The following ITLN1 variants were observed in gnomAD, a reference collection of about 807,000 sequenced individuals.
ITLN1 encodes the protein intelectin 1.
A neutral mutation model predicts 36.2 loss-of-function variants in ITLN1; 29 were observed. The observed-to-expected ratio is 0.80, with a 90% CI of 0.60 to 1.09. The LOEUF (loss-of-function observed/expected upper bound fraction) is 1.09. Ranked by LOEUF, ITLN1 falls within the 50% of genes least tolerant of loss-of-function variation. ITLN1 has a pLI of 0.00. For synonymous variants in ITLN1, 143 were observed against 146.5 expected, an observed-to-expected ratio of 0.98 and a Z score of 0.17; for missense variants, 358 against 405.2, an observed-to-expected ratio of 0.88 and a Z score of 1.00.
intron 3 of ITLN1, 86 bp downstream of exon 3, chr1:160,883,342 A>G: frequency 1.1e-6 from 1 of 890,458 alleles, no homozygotes; most frequent in Middle Eastern, 2.6e-4. Flanking sequence ...CTTTACCATA[A>G]TTTTTTAACT....
At chr1:160,879,480 C>G in intron 6 of ITLN1, 66 bp from the exon 7 acceptor site, 1 of 1,274,188 alleles carries the variant, frequency 7.8e-7, no homozygotes, top group Non-Finnish European at 1.1e-6. Flanking sequence ...TTAGGCCAGC[C>G]CAGAGGCTCT....
chr1:160,881,916 A>G, intron 4 of ITLN1, 41 bp downstream of exon 4: 1 of 1,611,610 alleles, frequency 6.2e-7, no homozygotes, highest in Non-Finnish European at 8.5e-7. Flanking sequence ...GCCACACTCC[A>G]CTCCTCACCC....
In ITLN1 at chr1:160,884,848, G is replaced by T. The variant is rs765290429; in HGVS notation, c.30C>A (p.Leu10=). The change falls in exon 2 of 8, where the codon CTC becomes CTA. Residue 10 remains leucine, a synonymous_variant. Coordinates refer to ENST00000326245, the MANE Select transcript of ITLN1 (RefSeq NM_017625.3). MNQLSFLLF[L]IATTRGWSTD... ...TACTCCATCCTCTGGTGGTCGCTAT[G>T]AGAAACAGCAGGAAGCTGAGTTGGT... 17 of 1,613,092 alleles carry T rather than the reference G, an allele frequency of 1.1e-5. No individual in the cohort carries two copies. In the African/African-American group the frequency reaches 1.9e-4, roughly 18 times the overall value.
intron 1 of ITLN1, 48 bp from the exon 2 acceptor site, chr1:160,884,931 T>G: frequency 1.6e-6 from 2 of 1,282,636 alleles, no homozygotes; most frequent in Non-Finnish European, 2.3e-6. Context: ...CATTTTTCTC[T>G]ACATCCCTGC....
intron 3 of ITLN1, 153 bp from the exon 4 acceptor site, chr1:160,882,357 C>T: frequency 2.4e-6 from 2 of 838,566 alleles, no homozygotes; most frequent in Non-Finnish European, 3.5e-6. Flanking sequence ...CTGGGGCCTC[C>T]CTGAGTTCAG....
intron 7 of ITLN1, among the ~76,000 whole-genome samples, chr1:160,878,955 CTG>C (rs1670636191): frequency 6.6e-6 from 1 of 152,108 alleles, no homozygotes; most frequent in Non-Finnish European, 1.5e-5. Context: ...AAAACAACAC[CTG>C]TGTTTCTCAA....
At chr1:160,880,226 A>T (rs1416132696) in intron 6 of ITLN1, among the ~76,000 whole-genome samples, 1 of 151,708 alleles carries the variant, frequency 6.6e-6, no homozygotes, top group Non-Finnish European at 1.5e-5. Flanking sequence ...AATCATTTGA[A>T]CCTGGGAGGC....
chr1:160,879,240 T>A (rs3766358), intron 7 of ITLN1, 71 bp downstream of exon 7: 689,970 of 1,065,410 alleles, frequency 0.65, 224,342 homozygotes, highest in Middle Eastern at 0.7. Context: ...CTCAACACAC[T>A]CACACATACC....
Position 160,876,571 on chromosome 1 carries a change from T to C in ITLN1, c.*93A>G, listed in dbSNP as rs933834797. On this transcript the variant is annotated 3_prime_UTR_variant, in exon 8 of 8. Coordinates refer to ENST00000326245, the MANE Select transcript of ITLN1 (RefSeq NM_017625.3). ...CAATATGATTTATTGTTTTCTCTTCTGCCATTAACATTCTAGCTACTGGGT... is the reference window on the plus strand; with the variant it reads ...CAATATGATTTATTGTTTTCTCTTCCGCCATTAACATTCTAGCTACTGGGT... 110 of 1,267,904 alleles carry C rather than the reference T, an allele frequency of 8.7e-5. No individual in the cohort carries two copies. Among genetic ancestry groups the C allele is most frequent in the Non-Finnish European group, 1.2e-4 (104 of 893,942 alleles). The allele number at this position is 1,267,904 out of a possible 1,614,324, so 78.5% of individuals were successfully genotyped here. A position where few individuals can be genotyped will look rare whatever the true frequency, so the allele number is the denominator to read the frequency against.
rs1365327042 is a variant in ITLN1, at chr1:160,880,171, G to C, written c.685+417C>G. On this transcript the variant is annotated intron_variant, in intron 6 of 7. Coordinates refer to ENST00000326245, the MANE Select transcript of ITLN1 (RefSeq NM_017625.3). The stretch of plus-strand genomic sequence containing the variant: ...AATACAAAAATCAGCTGGGCGTGGT[G>C]GTGGGCACCTGTAATCCCAGCTACT... Among the ~76,000 whole-genome samples the C allele has an allele frequency of 3.3e-5, 5 of 152,238 alleles. No individual in the cohort carries two copies. In the South Asian group the frequency reaches 6.2e-4, roughly 19 times the overall value.
intron 4 of ITLN1, 142 bp downstream of exon 4, chr1:160,881,815 A>G: frequency 1.6e-6 from 2 of 1,221,638 alleles, no homozygotes; most frequent in Non-Finnish European, 2.3e-6. Context: ...AAAAAAAAAA[A>G]AAAAAAAAAA....
intron 4 of ITLN1, 190 bp from the exon 5 acceptor site, chr1:160,881,502 G>A: frequency 3.3e-6 from 2 of 610,632 alleles, no homozygotes; most frequent in South Asian, 6.1e-5. Flanking sequence ...TTGTTAGGAG[G>A]AAGTTGTGAT....
chr1:160,880,454 T>C (rs1670656718), intron 6 of ITLN1, 134 bp downstream of exon 6: 4 of 837,428 alleles, frequency 4.8e-6, no homozygotes, highest in Non-Finnish European at 5.6e-6. Flanking sequence ...AAGGCAGCCA[T>C]GCAAATCAAG....
chr1:160,881,377 A>G, intron 4 of ITLN1, 65 bp from the exon 5 acceptor site: 3 of 1,492,666 alleles, frequency 2.0e-6, no homozygotes, highest in Non-Finnish European at 2.7e-6. Flanking sequence ...AGGTCCACAC[A>G]TGCAACTTCA....
chr1:160,882,444 T>A, intron 3 of ITLN1: 1 of 434,822 alleles, frequency 2.3e-6, no homozygotes, highest in Non-Finnish European at 4.0e-6. Context: ...AAGTTAAACA[T>A]GGAATTATTG....
chr1:160,881,640 C>T, intron 4 of ITLN1: 1 of 501,792 alleles, frequency 2.0e-6, no homozygotes, highest in Non-Finnish European at 3.5e-6. Context: ...GAAACCCCAT[C>T]TCTACTAAAA....
At position 160,876,560 on chromosome 1, in the gene ITLN1, G is replaced by A. The variant is rs1036809232; in HGVS notation, c.*104C>T. 1.4e-5 allele frequency: 17 copies of A among 1,194,068 alleles called. No homozygotes were observed. In the African/African-American group the frequency reaches 2.4e-4, roughly 17 times the overall value. The allele number at this position is 1,194,068 out of a possible 1,614,324, so 74.0% of individuals were successfully genotyped here. Reference sequence around the variant, plus strand: ...AAGCCTTGAGTCAATATGATTTATTGTTTTCTCTTCTGCCATTAACATTCT... The same window carrying A: ...AAGCCTTGAGTCAATATGATTTATTATTTTCTCTTCTGCCATTAACATTCT... On this transcript the variant is annotated 3_prime_UTR_variant, in exon 8 of 8. Coordinates refer to ENST00000326245, the MANE Select transcript of ITLN1 (RefSeq NM_017625.3).
At chr1:160,880,557 C>G in intron 6 of ITLN1, 31 bp downstream of exon 6, 1 of 1,611,052 alleles carries the variant, frequency 6.2e-7, no homozygotes, top group Non-Finnish European at 8.5e-7. Context: ...CCCTTTCCTA[C>G]CAGGAGTTCA....
chr1:160,881,206 G>C lies in ITLN1; in HGVS notation c.512C>G (p.Thr171Arg). Reference sequence around the variant, plus strand: ...CAGTGTCTGGAGGAAGCCAGTGTCCGTGCGGTACCTCAGCAGGGAGCTGTT... The same window carrying C: ...CAGTGTCTGGAGGAAGCCAGTGTCCCTGCGGTACCTCAGCAGGGAGCTGTT... ...WRNSSLLRYR[T>R]DTGFLQTLGH... Residue 171 changes from threonine to arginine, a missense_variant, in exon 5 of 8, where the codon ACG (threonine) becomes AGG (arginine). Physicochemically the swap from Thr to Arg is moderately conservative, Grantham distance 71. Coordinates refer to ENST00000326245, the MANE Select transcript of ITLN1 (RefSeq NM_017625.3). 6.2e-7 allele frequency: 1 copy of C among 1,613,650 alleles called. No homozygotes were observed. The highest frequency in any genetic ancestry group is 8.5e-7 in the Non-Finnish European group (1 of 1,179,722).
Sources: allele counts gnomAD v4.1 joint callset (sites outside exome capture counted in the v4.1 genomes callset), GRCh38; gene constraint gnomAD v4.1.1; transcripts MANE v1.5; gene names NCBI Gene and HGNC (gene_info 2026-07-23, HGNC 2026-07-21).